RBFOX1: variants seen among roughly 807,000 people sequenced by gnomAD.
RBFOX1 encodes RNA binding protein fox-1 homolog 1.
A neutral mutation model predicts 57.7 loss-of-function variants in RBFOX1; 8 were observed. That is an observed-to-expected ratio of 0.14 (90% confidence interval 0.08 to 0.25). The LOEUF (loss-of-function observed/expected upper bound fraction) is 0.25. Among genes scored for constraint, RBFOX1 ranks in the 10% least tolerant of loss-of-function variants. The pLI is 1.00. For missense variants in RBFOX1, 611 were observed against 548.5 expected, an observed-to-expected ratio of 1.11 and a Z score of -1.14; for synonymous variants, 326 against 222.4, an observed-to-expected ratio of 1.47 and a Z score of -4.15.
At chr16:7,484,411 TG>T (rs1655391192) in intron 4 of RBFOX1, among the ~76,000 whole-genome samples, 1 of 152,182 alleles carries the variant, frequency 6.6e-6, no homozygotes, top group Non-Finnish European at 1.5e-5. Context: ...CCATTATTGT[TG>T]TTATCCAAAG....
At chr16:5,879,869 C>T (rs942444212) in intron 4 of RBFOX1, among the ~76,000 whole-genome samples, 3 of 152,142 alleles carry the variant, frequency 2.0e-5, no homozygotes, top group Admixed American at 6.5e-5. Context: ...AGAAAGGAAA[C>T]GGGGAATCTC....
chr16:6,310,357 A>C (rs1599482620), intron 1 of RBFOX1, among the ~76,000 whole-genome samples: 2 of 152,360 alleles, frequency 1.3e-5, no homozygotes, highest in South Asian at 4.1e-4. Flanking sequence ...CTATGCTGAA[A>C]GTCATCTGGA....
chr16:6,720,574 AT>A (rs1438591999), intron 3 of RBFOX1, among the ~76,000 whole-genome samples: 2 of 152,188 alleles, frequency 1.3e-5, no homozygotes, highest in Non-Finnish European at 2.9e-5. Context: ...TGGAAGGAGC[AT>A]GGTATGATGG....
intron 4 of RBFOX1, among the ~76,000 whole-genome samples, chr16:5,962,781 G>T (rs2059774271): frequency 1.3e-5 from 2 of 149,768 alleles, no homozygotes; most frequent in South Asian, 4.3e-4. Flanking sequence ...TCGCTTTTCA[G>T]TAATCCAGCA....
In RBFOX1 at chr16:5,309,956, A is replaced by G. The variant is rs145225510; in HGVS notation, c.219+69851A>G. 3.5e-3 allele frequency among the ~76,000 whole-genome samples: 533 copies of G among 152,204 alleles called. 5 individuals carry two copies. The highest frequency in any genetic ancestry group is 0.012 in the African/African-American group (508 of 41,516). On this transcript the variant is annotated intron_variant, in intron 1 of 2. Coordinates refer to the RBFOX1 transcript ENST00000585867. ...TTTTCTGGTCCTTTGATTTAGAGAGAGCTGCTTGTTCCTCTCTGTACACTG... is the reference window on the plus strand; with the variant it reads ...TTTTCTGGTCCTTTGATTTAGAGAGGGCTGCTTGTTCCTCTCTGTACACTG...
chr16:6,801,273 G>A (rs932789592), intron 3 of RBFOX1, among the ~76,000 whole-genome samples: 5 of 151,774 alleles, frequency 3.3e-5, no homozygotes, highest in Non-Finnish European at 5.9e-5. Context: ...GAAGTGTGAT[G>A]ATGATTTTGT....
At chr16:7,440,496 G>C (rs977591542) in intron 4 of RBFOX1, among the ~76,000 whole-genome samples, 3 of 152,136 alleles carry the variant, frequency 2.0e-5, no homozygotes, top group Non-Finnish European at 2.9e-5. Flanking sequence ...AGAGCCCAAG[G>C]AATGTGGCCA....
intron 3 of RBFOX1, among the ~76,000 whole-genome samples, chr16:6,971,832 C>T (rs1197568090): frequency 6.6e-6 from 1 of 152,022 alleles, no homozygotes; most frequent in Non-Finnish European, 1.5e-5. Flanking sequence ...AGGCTAAGAG[C>T]AGAGAAGTGT....
chr16:5,466,144 G>A (rs557910676), intron 1 of RBFOX1, among the ~76,000 whole-genome samples: 11 of 152,350 alleles, frequency 7.2e-5, no homozygotes, highest in East Asian at 3.9e-4. Context: ...TCTGGAATAC[G>A]GCAGAAGCGC....
At chr16:5,487,181 G>A (rs1187532215) in intron 2 of RBFOX1, among the ~76,000 whole-genome samples, 2 of 152,044 alleles carry the variant, frequency 1.3e-5, no homozygotes, top group Non-Finnish European at 1.5e-5. Context: ...TTTCTTCCTG[G>A]GACCCATTAT....
intron 3 of RBFOX1, among the ~76,000 whole-genome samples, chr16:6,808,337 T>G (rs2087478775): frequency 6.6e-6 from 1 of 152,054 alleles, no homozygotes; most frequent in African/African-American, 2.4e-5. Flanking sequence ...CATCTGATTA[T>G]GCCTACTTCA....
At chr16:7,547,122 T>C (rs2084780080) in intron 5 of RBFOX1, among the ~76,000 whole-genome samples, 1 of 152,160 alleles carries the variant, frequency 6.6e-6, no homozygotes, top group African/African-American at 2.4e-5. Flanking sequence ...GATAATGGTT[T>C]CTAAACAGCA....
At chr16:5,744,956 T>A (rs190399267) in intron 3 of RBFOX1, among the ~76,000 whole-genome samples, 112 of 152,200 alleles carry the variant, frequency 7.4e-4, no homozygotes, top group African/African-American at 2.2e-3. Flanking sequence ...TATTTTTTTT[T>A]ATTATACTTT....
At chr16:7,666,275 T>C (rs929028218) in intron 13 of RBFOX1, among the ~76,000 whole-genome samples, 2 of 152,086 alleles carry the variant, frequency 1.3e-5, no homozygotes, top group African/African-American at 4.8e-5. Context: ...AGAATGGTAG[T>C]TGGCATCGCA....
At chr16:6,263,119 C>G (rs973540191) in intron 1 of RBFOX1, among the ~76,000 whole-genome samples, 1 of 151,988 alleles carries the variant, frequency 6.6e-6, no homozygotes. Context: ...ACAGAGTGCG[C>G]CTGTGGGTTG....
At chr16:6,509,720 G>A (rs2096208527) in intron 2 of RBFOX1, among the ~76,000 whole-genome samples, 2 of 152,178 alleles carry the variant, frequency 1.3e-5, no homozygotes, top group Admixed American at 1.3e-4. Flanking sequence ...AAGATTAAAT[G>A]CTTAAGGAGA....
chr16:6,503,718 C>T (rs1430313303), intron 2 of RBFOX1, among the ~76,000 whole-genome samples: 1 of 152,134 alleles, frequency 6.6e-6, no homozygotes, highest in Non-Finnish European at 1.5e-5. Flanking sequence ...GTTGCATTTT[C>T]TGATGTCTAC....
At chr16:7,658,453 G>T (rs1247830108) in intron 12 of RBFOX1, among the ~76,000 whole-genome samples, 1 of 152,088 alleles carries the variant, frequency 6.6e-6, no homozygotes, top group Non-Finnish European at 1.5e-5. Flanking sequence ...CAATTTGACT[G>T]AGAAGCCACA....
At chr16:6,888,994 C>T (rs754507535) in intron 3 of RBFOX1, among the ~76,000 whole-genome samples, 7 of 152,156 alleles carry the variant, frequency 4.6e-5, no homozygotes, top group Non-Finnish European at 1.0e-4. Flanking sequence ...TTAAGCCTGT[C>T]CTTCCACTTA....
Sources: gnomAD v4.1 joint callset for allele counts (sites outside exome capture counted in the v4.1 genomes callset) on GRCh38, gnomAD v4.1.1 for gene constraint, MANE v1.5 for transcripts, NCBI Gene and HGNC (gene_info 2026-07-23, HGNC 2026-07-21) for gene names.